PTPRN2: variants seen among roughly 807,000 people sequenced by gnomAD.
PTPRN2 encodes receptor-type tyrosine-protein phosphatase N2.
Under a neutral mutation model 118.8 loss-of-function variants are expected in PTPRN2, and 74 were observed. The observed-to-expected ratio is 0.62, with a 90% CI of 0.52 to 0.76. PTPRN2 has a LOEUF of 0.76. Ranked by LOEUF, PTPRN2 falls within the 30% of genes least tolerant of loss-of-function variation. The probability of loss-of-function intolerance (pLI) is 0.00; values close to 1 mark genes in which losing one functional copy is unlikely to be tolerated. For synonymous variants in PTPRN2, 641 were observed against 608.0 expected, an observed-to-expected ratio of 1.05 and a Z score of -0.80; for missense variants, 1,481 against 1,394.4, an observed-to-expected ratio of 1.06 and a Z score of -0.99.
intron 6 of PTPRN2, among the ~76,000 whole-genome samples, chr7:158,156,958 A>G (rs1404926634): frequency 6.6e-6 from 1 of 151,940 alleles, no homozygotes; most frequent in Non-Finnish European, 1.5e-5. Context: ...CCCCTGTACC[A>G]TGTGGCTCTG....
chr7:157,686,543 C>G (rs1585237729), intron 12 of PTPRN2, among the ~76,000 whole-genome samples: 1 of 152,166 alleles, frequency 6.6e-6, no homozygotes, highest in East Asian at 1.9e-4. Flanking sequence ...AGCGCCATCT[C>G]CCCCATGGGC....
chr7:158,206,296 C>T (rs1446525737), intron 3 of PTPRN2, among the ~76,000 whole-genome samples: 1 of 152,204 alleles, frequency 6.6e-6, no homozygotes, highest in African/African-American at 2.4e-5. Context: ...CAGGCCCTAG[C>T]TCCCAGGTGA....
chr7:157,675,081 C>T (rs1422991630), intron 13 of PTPRN2, among the ~76,000 whole-genome samples: 1 of 148,298 alleles, frequency 6.7e-6, no homozygotes, highest in Non-Finnish European at 1.5e-5. Context: ...GAATCTCCTC[C>T]CCACCGCCTA....
chr7:158,258,755 T>C (rs1797195215), intron 3 of PTPRN2, among the ~76,000 whole-genome samples: 1 of 152,320 alleles, frequency 6.6e-6, no homozygotes, highest in South Asian at 2.1e-4. Context: ...GTTGCTTCTG[T>C]ATCTGTTTGT....
chr7:157,898,607 G>C, intron 12 of PTPRN2, 66 bp downstream of exon 12: 1 of 1,453,774 alleles, frequency 6.9e-7, no homozygotes, highest in Non-Finnish European at 9.7e-7. Context: ...CTGTTCTCAC[G>C]GTGTTCGCCA....
intron 1 of PTPRN2, among the ~76,000 whole-genome samples, chr7:158,554,172 A>C (rs1826833972): frequency 6.6e-6 from 1 of 152,214 alleles, no homozygotes; most frequent in African/African-American, 2.4e-5. Context: ...AGGCTGAGGC[A>C]TGAGAATTGC....
intron 3 of PTPRN2, among the ~76,000 whole-genome samples, chr7:158,212,866 G>A (rs79067065): frequency 0.035 from 5,322 of 152,098 alleles, 318 homozygotes; most frequent in African/African-American, 0.12. Flanking sequence ...TACTGTATCC[G>A]GGAGCCAATT....
rs1237870407 is a variant in PTPRN2, at chr7:157,763,462, G to A, written c.1789-80525C>T. ...CCCTGAGCCAGGCTGGTGTGGCCTC[G>A]AGTCCCTTCTCCTAGCCCCAAACCC... On this transcript the variant is annotated intron_variant, in intron 12 of 22. Coordinates refer to ENST00000389418, the MANE Select transcript of PTPRN2 (RefSeq NM_002847.5). The surrounding 1 kb of genome is among the most constrained non-coding windows in gnomAD (Gnocchi z 4.9). Among the ~76,000 whole-genome samples the A allele has an allele frequency of 2.0e-5, 3 of 151,994 alleles. No homozygotes were observed. The highest frequency in any genetic ancestry group is 1.9e-4 in the East Asian group (1 of 5,148).
At chr7:158,459,746 A>C (rs1818831566) in intron 2 of PTPRN2, among the ~76,000 whole-genome samples, 1 of 152,206 alleles carries the variant, frequency 6.6e-6, no homozygotes. Flanking sequence ...ACCCAGGAGC[A>C]TGGCAACATC....
intron 1 of PTPRN2, among the ~76,000 whole-genome samples, chr7:158,505,485 C>T (rs984242521): frequency 2.6e-5 from 4 of 152,196 alleles, no homozygotes; most frequent in African/African-American, 9.7e-5. Flanking sequence ...CCAAGTCCCC[C>T]GTTCACTACC....
At position 157,591,006 on chromosome 7, in the gene PTPRN2, AT is replaced by A. The variant is rs567923978; in HGVS notation, c.2496+4231del. ...ACCTGGAACCCATGAATGTGGTCTT[AT>A]TTGGAAATAGGGTCTTTGCATATGT... is the stretch of plus-strand genomic sequence containing the variant. On this transcript the variant is annotated intron_variant, in intron 17 of 22. Transcript: ENST00000389418. This position sits in a 1 kb window ranked among gnomAD's most constrained non-coding sequence, Gnocchi z 4.4. Among the ~76,000 whole-genome samples the A allele has an allele frequency of 6.6e-6, 1 of 152,180 alleles. No individual in the cohort carries two copies. The highest frequency in any genetic ancestry group is 2.4e-5 in the African/African-American group (1 of 41,502).
chr7:158,198,047 G>A (rs1826347374), intron 4 of PTPRN2, among the ~76,000 whole-genome samples: 1 of 152,070 alleles, frequency 6.6e-6, no homozygotes, highest in Non-Finnish European at 1.5e-5. Context: ...TTTAATTAAT[G>A]AAATTTCATG....
chr7:157,800,463 C>T (rs542900236), intron 12 of PTPRN2, among the ~76,000 whole-genome samples: 124 of 152,318 alleles, frequency 8.1e-4, no homozygotes, highest in Middle Eastern at 3.4e-3. Context: ...AGCGACTCAA[C>T]GACCCTCTGC....
chr7:158,385,986 A>G (rs1254931181), intron 2 of PTPRN2, among the ~76,000 whole-genome samples: 6 of 117,470 alleles, frequency 5.1e-5, no homozygotes, highest in South Asian at 6.4e-4. Flanking sequence ...CCCTCCTCCC[A>G]TGCCCTGAGT....
intron 15 of PTPRN2, among the ~76,000 whole-genome samples, chr7:157,614,755 T>C (rs908952351): frequency 2.0e-5 from 3 of 152,248 alleles, no homozygotes; most frequent in Admixed American, 6.5e-5. Context: ...GTGCAGTGGG[T>C]CTGCTGTCCT....
At chr7:158,510,852 C>T (rs970314265) in intron 1 of PTPRN2, among the ~76,000 whole-genome samples, 19 of 152,224 alleles carry the variant, frequency 1.2e-4, no homozygotes, top group African/African-American at 4.6e-4. Flanking sequence ...TCACATTCTT[C>T]TCAGGGCCGC....
rs1435998267 is a variant in PTPRN2, at chr7:158,563,273, C to T, written c.112+24285G>A. On this transcript the variant is annotated intron_variant, in intron 1 of 22. Transcript: ENST00000389418. The surrounding 1 kb of genome is among the most constrained non-coding windows in gnomAD (Gnocchi z 5.1). ...TCTTGGAAAATATGAAATTGCTGAC[C>T]GATCCCCAGCATCAACTTCGCCAAT... Among the ~76,000 whole-genome samples, 5 of 152,164 alleles carry T rather than the reference C, an allele frequency of 3.3e-5. No homozygotes were observed. The highest frequency in any genetic ancestry group is 5.9e-5 in the Non-Finnish European group (4 of 68,032).
intron 9 of PTPRN2, among the ~76,000 whole-genome samples, chr7:158,132,805 G>A (rs991531905): frequency 1.4e-4 from 21 of 150,436 alleles, no homozygotes; most frequent in African/African-American, 5.1e-4. Flanking sequence ...ACATGCGTAT[G>A]CAGATACACA....
intron 11 of PTPRN2, among the ~76,000 whole-genome samples, chr7:157,951,656 G>A (rs1252765129): frequency 6.6e-6 from 1 of 152,218 alleles, no homozygotes; most frequent in Non-Finnish European, 1.5e-5. Context: ...ACGGGCTAAC[G>A]TCCCTCCGCT....
Sources: gnomAD v4.1 joint callset for allele counts (sites outside exome capture counted in the v4.1 genomes callset) on GRCh38, gnomAD v4.1.1 for gene constraint, Gnocchi (gnomAD v3.1) non-coding constraint, MANE v1.5 for transcripts, NCBI Gene and HGNC (gene_info 2026-07-23, HGNC 2026-07-21) for gene names.